The following FBXL2 variants were observed in gnomAD, a reference collection of about 807,000 sequenced individuals.
FBXL2 encodes the protein F-box/LRR-repeat protein 2.
A neutral mutation model predicts 69.2 loss-of-function variants in FBXL2; 38 were observed. The ratio of observed to expected loss-of-function variants is 0.55; its 90% CI spans 0.42 to 0.72. The LOEUF (loss-of-function observed/expected upper bound fraction) is 0.72. Among genes scored for constraint, FBXL2 ranks in the 30% least tolerant of loss-of-function variants. FBXL2 has a pLI of 0.00. For missense variants in FBXL2, 354 were observed against 520.3 expected, an observed-to-expected ratio of 0.68 and a Z score of 3.11; for synonymous variants, 192 against 201.3, an observed-to-expected ratio of 0.95 and a Z score of 0.39.
downstream of FBXL2, chr3:33,392,590 T>C: frequency 6.2e-7 from 1 of 1,612,012 alleles, no homozygotes; most frequent in Non-Finnish European, 8.5e-7. Flanking sequence ...AAAAAACAAC[T>C]CTCATCTTGA....
chr3:33,286,741 G>T (rs981054334), intron 1 of FBXL2, among the ~76,000 whole-genome samples: 1 of 152,166 alleles, frequency 6.6e-6, no homozygotes, highest in African/African-American at 2.4e-5. Context: ...GCAATGGCGG[G>T]CCCCTCTCCT....
At chr3:33,359,184 G>C (rs1298473236) in intron 3 of FBXL2, 99 bp from the exon 4 acceptor site, 2 of 1,080,596 alleles carry the variant, frequency 1.9e-6, no homozygotes, top group Non-Finnish European at 1.3e-6. Context: ...ATCAAAAATA[G>C]GAGTTTGGAA....
At chr3:33,292,606 A>C (rs1417013126) in intron 1 of FBXL2, among the ~76,000 whole-genome samples, 2 of 152,196 alleles carry the variant, frequency 1.3e-5, no homozygotes, top group Non-Finnish European at 2.9e-5. Flanking sequence ...TTTATGAAGC[A>C]CTACACATCA....
chr3:33,388,802 ATAAT>A (rs1448056978), downstream of FBXL2: 2 of 152,360 alleles, frequency 1.3e-5, no homozygotes, highest in African/African-American at 4.8e-5. Context: ...TTTGTAGCAA[ATAAT>A]TAACCCCCTT....
intron 2 of FBXL2, among the ~76,000 whole-genome samples, chr3:33,352,225 A>C (rs539782606): frequency 1.3e-5 from 2 of 152,236 alleles, no homozygotes; most frequent in African/African-American, 2.4e-5. Context: ...CAATGGAGAA[A>C]GTATACATTT....
chr3:33,351,349 GTTAA>G (rs1337564863), intron 2 of FBXL2, among the ~76,000 whole-genome samples: 1 of 152,056 alleles, frequency 6.6e-6, no homozygotes. Flanking sequence ...TATTACAAAA[GTTAA>G]TTACTTTCCT....
chr3:33,375,898 T>C (rs2042602477), intron 10 of FBXL2, among the ~76,000 whole-genome samples: 1 of 152,204 alleles, frequency 6.6e-6, no homozygotes, highest in Admixed American at 6.5e-5. Context: ...GGCTCATGCC[T>C]GTAATCCCAA....
chr3:33,403,486 CTCTA>C (rs149670278), exon 13 of FBXL2: 27,878 of 98,342 alleles, frequency 0.28, 3,131 homozygotes, highest in East Asian at 0.55. Flanking sequence ...CTACATCTAT[CTCTA>C]TCTATCTATC....
At chr3:33,343,145 G>A (rs2040190754) in intron 2 of FBXL2, among the ~76,000 whole-genome samples, 1 of 151,686 alleles carries the variant, frequency 6.6e-6, no homozygotes, top group Non-Finnish European at 1.5e-5. Context: ...AGTATTCAAA[G>A]CAATTATATA....
chr3:33,369,491 A>G (rs1034575752), intron 5 of FBXL2, among the ~76,000 whole-genome samples: 3 of 152,220 alleles, frequency 2.0e-5, no homozygotes, highest in Non-Finnish European at 4.4e-5. Flanking sequence ...ATTGTATTAC[A>G]TAACACTTCC....
In FBXL2 at chr3:33,399,833, T is replaced by A. The variant is rs556996253; in HGVS notation, n.1215-3401T>A. Among the ~76,000 whole-genome samples, 7 of 151,814 alleles carry A rather than the reference T, an allele frequency of 4.6e-5. No homozygotes were observed. In the South Asian group the frequency reaches 6.2e-4, roughly 13 times the overall value. Reference sequence around the variant, plus strand: ...ATTATGTGAGAAACGGAGTGAAGAGTACACCGAAATATCACTGTACTAGCT... The same window carrying A: ...ATTATGTGAGAAACGGAGTGAAGAGAACACCGAAATATCACTGTACTAGCT... On this transcript the variant is annotated intron_variant and non_coding_transcript_variant, in intron 12 of 12. Coordinates refer to the FBXL2 transcript ENST00000463736.
At chr3:33,290,707 A>G (rs1033093963) in intron 1 of FBXL2, among the ~76,000 whole-genome samples, 2 of 152,214 alleles carry the variant, frequency 1.3e-5, no homozygotes, top group African/African-American at 4.8e-5. Context: ...CTGTGGGACA[A>G]TACAAAATTG....
At chr3:33,281,963 T>C (rs1161138530) in intron 1 of FBXL2, among the ~76,000 whole-genome samples, 2 of 152,230 alleles carry the variant, frequency 1.3e-5, no homozygotes, top group African/African-American at 2.4e-5. Context: ...GTCAGATGGG[T>C]AGATTGCAAA....
chr3:33,278,256 G>A (rs1163523573), intron 1 of FBXL2: 1 of 152,178 alleles, frequency 6.6e-6, no homozygotes, highest in African/African-American at 2.4e-5. Flanking sequence ...CTCGGCGGAG[G>A]TGCTGGCTTG....
intron 5 of FBXL2, among the ~76,000 whole-genome samples, chr3:33,365,337 C>T (rs767830160): frequency 2.7e-5 from 4 of 150,214 alleles, no homozygotes; most frequent in African/African-American, 4.9e-5. Flanking sequence ...TGGAGTGCAA[C>T]GGCACAATCT....
At chr3:33,326,992 T>C (rs963744265) in intron 2 of FBXL2, among the ~76,000 whole-genome samples, 1 of 152,204 alleles carries the variant, frequency 6.6e-6, no homozygotes, top group African/African-American at 2.4e-5. Context: ...CATGTAACAA[T>C]TTAAAGGTCC....
At chr3:33,352,936 T>A (rs908863155) in intron 2 of FBXL2, among the ~76,000 whole-genome samples, 2 of 132,632 alleles carry the variant, frequency 1.5e-5, no homozygotes, top group Non-Finnish European at 3.2e-5. Flanking sequence ...AAAAAACCCA[T>A]CTCAATAGTG....
intron 2 of FBXL2, among the ~76,000 whole-genome samples, chr3:33,350,703 T>C (rs886494348): frequency 3.3e-5 from 5 of 152,112 alleles, no homozygotes; most frequent in African/African-American, 9.7e-5. Context: ...CCCAAAGTGC[T>C]GGGATTACAG....
chr3:33,406,365 A>C (rs746173867), downstream of FBXL2, among the ~76,000 whole-genome samples: 3 of 152,236 alleles, frequency 2.0e-5, no homozygotes, highest in Non-Finnish European at 2.9e-5. Flanking sequence ...TAGCAAATCT[A>C]ATCATGGGTA....
Sources: gnomAD v4.1 joint callset for allele counts (sites outside exome capture counted in the v4.1 genomes callset) on GRCh38, gnomAD v4.1.1 for gene constraint, MANE v1.5 for transcripts, NCBI Gene and HGNC (gene_info 2026-07-23, HGNC 2026-07-21) for gene names.